SNTG1: variants seen among roughly 807,000 people sequenced by gnomAD.
SNTG1 encodes gamma-1-syntrophin.
In SNTG1, 39 loss-of-function variants were observed where a neutral mutation model predicts 74.7. That is an observed-to-expected ratio of 0.52 (90% CI 0.40 to 0.68). The LOEUF (loss-of-function observed/expected upper bound fraction) is 0.68, where lower values mean the gene tolerates loss of function less well. SNTG1 is among the 30% of genes least tolerant of loss of function. The pLI is 0.00. For synonymous variants in SNTG1, 254 were observed against 217.1 expected (o/e 1.17, Z -1.49); for missense variants, 685 against 609.5 (o/e 1.12, Z -1.30).
At chr8:50,582,256 C>G (rs996166) in intron 12 of SNTG1, among the ~76,000 whole-genome samples, 31,011 of 152,102 alleles carry the variant, frequency 0.2, 5,342 homozygotes, top group African/African-American at 0.47. Flanking sequence ...GAGCTATTCT[C>G]TGTCTTCATT....
chr8:50,643,790 GGGATGGA>G (rs2131187371), intron 13 of SNTG1: 1 of 152,422 alleles, frequency 6.6e-6, no homozygotes, highest in Admixed American at 6.5e-5. Flanking sequence ...TTTCCTGGAA[GGGATGGA>G]GGGAGGGTTT....
At chr8:49,918,126 G>A (rs1806207880) in intron 1 of SNTG1, among the ~76,000 whole-genome samples, 1 of 152,034 alleles carries the variant, frequency 6.6e-6, no homozygotes, top group Non-Finnish European at 1.5e-5. Context: ...CTAGAAATGA[G>A]ACAATGAACC....
intron 11 of SNTG1, among the ~76,000 whole-genome samples, chr8:50,541,817 C>G (rs1333572252): frequency 6.6e-6 from 1 of 151,812 alleles, no homozygotes; most frequent in African/African-American, 2.4e-5. Context: ...CATTCTCTCT[C>G]TCTTCTAACT....
chr8:50,743,236 T>G (rs1011108612), intron 17 of SNTG1, among the ~76,000 whole-genome samples: 1 of 151,930 alleles, frequency 6.6e-6, no homozygotes. Context: ...TAATGAATAT[T>G]AATTTAAAAA....
chr8:50,379,474 G>A (rs2131215388), intron 2 of SNTG1, among the ~76,000 whole-genome samples: 1 of 152,210 alleles, frequency 6.6e-6, no homozygotes, highest in South Asian at 2.1e-4. Flanking sequence ...AGGGATGTCT[G>A]GATCCACAGC....
chr8:50,673,002 G>T (rs1255383626), intron 15 of SNTG1, among the ~76,000 whole-genome samples: 4 of 152,118 alleles, frequency 2.6e-5, no homozygotes, highest in Admixed American at 6.6e-5. Flanking sequence ...TTATAGATGT[G>T]TAGTATTATT....
intron 9 of SNTG1, among the ~76,000 whole-genome samples, chr8:50,522,091 T>C (rs1241015255): frequency 6.6e-6 from 1 of 152,176 alleles, no homozygotes; most frequent in African/African-American, 2.4e-5. Flanking sequence ...GTAATCCCCA[T>C]CTATGGCAGC....
At chr8:50,543,263 G>A (rs1361434684) in intron 11 of SNTG1, among the ~76,000 whole-genome samples, 1 of 152,096 alleles carries the variant, frequency 6.6e-6, no homozygotes, top group Non-Finnish European at 1.5e-5. Flanking sequence ...TGTATGGTGA[G>A]GGATAGGGCT....
At chr8:50,767,671 T>C (rs2095617148) in intron 18 of SNTG1, among the ~76,000 whole-genome samples, 1 of 151,980 alleles carries the variant, frequency 6.6e-6, no homozygotes, top group East Asian at 1.9e-4. Context: ...TGTTTCTATA[T>C]ATAATATTCA....
chr8:50,551,378 A>T (rs1168665795), intron 11 of SNTG1, among the ~76,000 whole-genome samples: 9 of 152,182 alleles, frequency 5.9e-5, no homozygotes. Flanking sequence ...TGTAACATCT[A>T]TAATTACATA....
rs539730712 is a variant in SNTG1 at position 50,496,448 on chromosome 8, A to G, written c.364-6330A>G. Among the ~76,000 whole-genome samples the G allele has an allele frequency of 2.0e-4, 30 of 152,288 alleles. No homozygotes were observed. The South Asian group carries it at 4.1e-3, about 21-fold the overall frequency. On this transcript the variant is annotated intron_variant, in intron 8 of 18. Transcript: ENST00000642720. ...TTATCAATTAAAAGCAAGCTCAGCT[A>G]TGGGTATCCTTGGCTTTATATTGCA...
intron 1 of SNTG1, among the ~76,000 whole-genome samples, chr8:49,993,876 T>G (rs1352472487): frequency 6.6e-6 from 1 of 152,212 alleles, no homozygotes; most frequent in African/African-American, 2.4e-5. Flanking sequence ...AAGAGTGGTG[T>G]TGATTATTGA....
chr8:50,150,191 G>C (rs1411339255), intron 1 of SNTG1, among the ~76,000 whole-genome samples: 1 of 152,034 alleles, frequency 6.6e-6, no homozygotes, highest in Non-Finnish European at 1.5e-5. Context: ...TTGGTTCTCT[G>C]TTTGTCTGTT....
At chr8:50,417,331 C>T (rs879503516) in intron 4 of SNTG1, among the ~76,000 whole-genome samples, 3 of 152,052 alleles carry the variant, frequency 2.0e-5, no homozygotes, top group Admixed American at 6.6e-5. Context: ...TGAGACTTAG[C>T]GATTTATAGG....
rs376211469 is a variant in SNTG1, at chr8:50,457,699, CA to C, written c.363+6973del. 2.3e-3 allele frequency among the ~76,000 whole-genome samples: 349 copies of C among 152,186 alleles called. 2 individuals carry two copies. Among genetic ancestry groups the C allele is most frequent in the African/African-American group, 7.8e-3 (324 of 41,530 alleles). On this transcript the variant is annotated intron_variant, in intron 8 of 18. Transcript: ENST00000642720. Reference sequence around the variant, plus strand: ...TCCTGAAGGGCCAAGGGGCTGTAGCCAAAGCCGCCATCCAGCAAACATCCCC... The same window carrying C: ...TCCTGAAGGGCCAAGGGGCTGTAGCCAAGCCGCCATCCAGCAAACATCCCC...
intron 1 of SNTG1, among the ~76,000 whole-genome samples, chr8:50,023,764 C>G (rs1817029723): frequency 6.6e-6 from 1 of 152,102 alleles, no homozygotes; most frequent in Non-Finnish European, 1.5e-5. Flanking sequence ...TTTAGTAAGT[C>G]AATCTTCACT....
intron 1 of SNTG1, among the ~76,000 whole-genome samples, chr8:50,020,059 T>A (rs1050843014): frequency 1.2e-4 from 19 of 152,122 alleles, no homozygotes; most frequent in African/African-American, 4.6e-4. Flanking sequence ...AATTGAGCCT[T>A]TTGTGCCACT....
Position 50,749,497 on chromosome 8 carries a change from C to T in SNTG1, c.1285-2504C>T, listed in dbSNP as rs1319121701. 2.0e-5 allele frequency among the ~76,000 whole-genome samples: 3 copies of T among 151,890 alleles called. No homozygotes were observed. The East Asian group carries it at 5.8e-4, about 30-fold the overall frequency. On this transcript the variant is annotated intron_variant, in intron 17 of 18. Transcript: ENST00000642720. Reference sequence around the variant, plus strand: ...CAGATTTTTAGTGTAGATAAAACAGCCTTATATTGGAAGAAGATGCCATCT... The same window carrying T: ...CAGATTTTTAGTGTAGATAAAACAGTCTTATATTGGAAGAAGATGCCATCT...
At chr8:50,559,254 T>C (rs2094473568) in intron 12 of SNTG1, among the ~76,000 whole-genome samples, 1 of 152,178 alleles carries the variant, frequency 6.6e-6, no homozygotes, top group Non-Finnish European at 1.5e-5. Flanking sequence ...TAAACAAAAT[T>C]AAAATATATT....
Sources: allele counts gnomAD v4.1 joint callset (sites outside exome capture counted in the v4.1 genomes callset), GRCh38; gene constraint gnomAD v4.1.1; transcripts MANE v1.5; gene names NCBI Gene and HGNC (gene_info 2026-07-23, HGNC 2026-07-21).